CNTN3: variants seen among roughly 807,000 people sequenced by gnomAD.
CNTN3 encodes the protein contactin 3.
A neutral mutation model predicts 119.1 loss-of-function variants in CNTN3; 60 were observed. The ratio of observed to expected loss-of-function variants is 0.50; its 90% CI spans 0.41 to 0.62. The LOEUF (loss-of-function observed/expected upper bound fraction) is 0.62. Ranked by LOEUF, CNTN3 falls within the 20% of genes least tolerant of loss-of-function variation. The pLI, the probability that CNTN3 is intolerant of heterozygous loss-of-function variation, is 0.00. For missense variants in CNTN3, 1,101 were observed against 1,242.4 expected, an observed-to-expected ratio of 0.89 and a Z score of 1.71; for synonymous variants, 450 against 438.7, an observed-to-expected ratio of 1.03 and a Z score of -0.32.
intron 5 of CNTN3, among the ~76,000 whole-genome samples, chr3:74,396,746 GAAAAA>G (rs61397069): frequency 1.0e-5 from 1 of 98,820 alleles, no homozygotes. Context: ...TTCCGCCTCA[GAAAAA>G]AAAAAAAAAA....
At chr3:74,587,761 C>A (rs999455941) in intron 1 of CNTN3, among the ~76,000 whole-genome samples, 3 of 152,178 alleles carry the variant, frequency 2.0e-5, no homozygotes, top group Admixed American at 1.3e-4. Flanking sequence ...TTGACTTCCT[C>A]TTTTCCTAAT....
intron 13 of CNTN3, among the ~76,000 whole-genome samples, chr3:74,331,884 A>C (rs1488104746): frequency 6.6e-6 from 1 of 152,162 alleles, no homozygotes; most frequent in East Asian, 1.9e-4. Context: ...TCAAATCTAT[A>C]CAGTAGATCT....
At chr3:74,427,846 G>GT (rs1701720915) in intron 4 of CNTN3, among the ~76,000 whole-genome samples, 1 of 152,040 alleles carries the variant, frequency 6.6e-6, no homozygotes. Flanking sequence ...CAGAAGATCT[G>GT]TATAATGAAA....
chr3:74,515,033 A>G (rs1024166634), intron 2 of CNTN3, among the ~76,000 whole-genome samples: 3 of 152,000 alleles, frequency 2.0e-5, no homozygotes, highest in African/African-American at 7.2e-5. Flanking sequence ...CAAGCTTTGA[A>G]TTTCTGGATG....
intron 1 of CNTN3, among the ~76,000 whole-genome samples, chr3:74,550,721 T>C (rs550429147): frequency 6.6e-6 from 1 of 152,256 alleles, no homozygotes; most frequent in African/African-American, 2.4e-5. Context: ...CAAAATGTTT[T>C]TGTAGAGATG....
chr3:74,324,088 A>T (rs1259470934), intron 13 of CNTN3, among the ~76,000 whole-genome samples: 3 of 152,174 alleles, frequency 2.0e-5, no homozygotes, highest in Non-Finnish European at 4.4e-5. Flanking sequence ...GTACATAAAC[A>T]TATACAGTGT....
intron 20 of CNTN3, among the ~76,000 whole-genome samples, chr3:74,270,485 G>GA (rs62732261): frequency 0.015 from 2,294 of 151,912 alleles, 53 homozygotes; most frequent in South Asian, 0.061. Context: ...ATGAGTTGAA[G>GA]AAAAAAAAGT....
intron 4 of CNTN3, among the ~76,000 whole-genome samples, chr3:74,426,213 T>TA (rs1179929036): frequency 6.6e-6 from 1 of 152,084 alleles, no homozygotes; most frequent in Non-Finnish European, 1.5e-5. Flanking sequence ...CTCTGACTTA[T>TA]AAAAAATGCC....
intron 4 of CNTN3, among the ~76,000 whole-genome samples, chr3:74,447,294 C>A (rs796836772): frequency 6.6e-5 from 10 of 152,170 alleles, no homozygotes; most frequent in African/African-American, 2.4e-4. Flanking sequence ...TATGGTGATC[C>A]AGCAGGGAGG....
chr3:74,476,788 A>T (rs1702663878), intron 4 of CNTN3, among the ~76,000 whole-genome samples: 1 of 152,186 alleles, frequency 6.6e-6, no homozygotes, highest in South Asian at 2.1e-4. Flanking sequence ...ATTCATTAAA[A>T]TTAAAACCTC....
chr3:74,546,121 G>A (rs1411431301), intron 1 of CNTN3, among the ~76,000 whole-genome samples: 4 of 151,812 alleles, frequency 2.6e-5, no homozygotes, highest in South Asian at 2.1e-4. Flanking sequence ...TCAGCCTTCC[G>A]AGTAGCTGGG....
intron 14 of CNTN3, 81 bp from the exon 15 acceptor site, chr3:74,301,886 A>G (rs994736235): frequency 2.1e-6 from 3 of 1,460,322 alleles, no homozygotes; most frequent in African/African-American, 2.8e-5. Flanking sequence ...AGAATGTCAC[A>G]TGACCACTTC....
chr3:74,403,103 T>G (rs1012180739), intron 5 of CNTN3, among the ~76,000 whole-genome samples: 12 of 152,084 alleles, frequency 7.9e-5, no homozygotes, highest in Admixed American at 1.3e-4. Context: ...TGCTGAAGTG[T>G]TGCAAGCAAG....
chr3:74,379,112 T>G (rs1704550036), intron 5 of CNTN3, among the ~76,000 whole-genome samples: 1 of 152,204 alleles, frequency 6.6e-6, no homozygotes, highest in Non-Finnish European at 1.5e-5. Context: ...TACTAGCATC[T>G]TTCACCACAT....
chr3:74,447,823 C>T (rs2106940908), intron 4 of CNTN3, among the ~76,000 whole-genome samples: 1 of 152,220 alleles, frequency 6.6e-6, no homozygotes, highest in South Asian at 2.1e-4. Context: ...CACCTGGACC[C>T]CAGGTTAAAA....
intron 4 of CNTN3, among the ~76,000 whole-genome samples, chr3:74,462,208 G>A (rs758982406): frequency 6.6e-5 from 10 of 152,064 alleles, no homozygotes; most frequent in Non-Finnish European, 1.5e-4. Context: ...GGCCTCCTCA[G>A]AAGCTGCTAT....
chr3:74,338,495 C>T (rs1243141673), intron 11 of CNTN3, among the ~76,000 whole-genome samples: 12 of 149,312 alleles, frequency 8.0e-5, no homozygotes, highest in Admixed American at 2.0e-4. Context: ...TACACACGTG[C>T]GTGTGTGTGT....
intron 13 of CNTN3, among the ~76,000 whole-genome samples, chr3:74,333,595 G>A (rs893993976): frequency 6.6e-6 from 1 of 152,104 alleles, no homozygotes; most frequent in African/African-American, 2.4e-5. Flanking sequence ...TACTGAATAA[G>A]GGCCCATTTT....
At chr3:74,560,404 C>A (rs1254234743) in intron 1 of CNTN3, among the ~76,000 whole-genome samples, 1 of 152,094 alleles carries the variant, frequency 6.6e-6, no homozygotes, top group African/African-American at 2.4e-5. Flanking sequence ...TACTTGCTTA[C>A]AAATGCCTTA....
Sources: gnomAD v4.1 joint callset for allele counts (sites outside exome capture counted in the v4.1 genomes callset) on GRCh38, gnomAD v4.1.1 for gene constraint, MANE v1.5 for transcripts, NCBI Gene and HGNC (gene_info 2026-07-23, HGNC 2026-07-21) for gene names.